CTNNA3: variants seen among roughly 807,000 people sequenced by gnomAD.
CTNNA3 encodes the protein catenin alpha-3.
Under a neutral mutation model 95.7 loss-of-function variants are expected in CTNNA3, and 76 were observed. The ratio of observed to expected loss-of-function variants is 0.79; its 90% CI spans 0.66 to 0.96. The LOEUF (loss-of-function observed/expected upper bound fraction) is 0.96. CTNNA3 is among the 40% of genes least tolerant of loss of function. The pLI, the probability that CTNNA3 is intolerant of heterozygous loss-of-function variation, is 0.00. For synonymous variants in CTNNA3, 431 were observed against 374.4 expected (o/e 1.15, Z -1.74); for missense variants, 1,191 against 1,089.8 (o/e 1.09, Z -1.31).
intron 7 of CTNNA3, among the ~76,000 whole-genome samples, chr10:66,945,565 A>T (rs1848230929): frequency 6.6e-6 from 1 of 152,166 alleles, no homozygotes; most frequent in Non-Finnish European, 1.5e-5. Context: ...TTGGTTTCTT[A>T]TCATTCATGT....
chr10:66,146,339 C>T (rs1362197858), intron 13 of CTNNA3, among the ~76,000 whole-genome samples: 1 of 152,120 alleles, frequency 6.6e-6, no homozygotes, highest in Non-Finnish European at 1.5e-5. Flanking sequence ...ACTAGACCTG[C>T]CTCAGTAGAA....
At chr10:66,390,845 T>A (rs1014379621) in intron 11 of CTNNA3, among the ~76,000 whole-genome samples, 1 of 152,054 alleles carries the variant, frequency 6.6e-6, no homozygotes, top group East Asian at 1.9e-4. Context: ...GAATACAGAG[T>A]ATGCATACAG....
chr10:67,715,571 C>T (rs1440178610), intron 1 of CTNNA3, among the ~76,000 whole-genome samples: 1 of 152,048 alleles, frequency 6.6e-6, no homozygotes, highest in Non-Finnish European at 1.5e-5. Flanking sequence ...AGCAGGAATC[C>T]CTTCTCTGAA....
intron 5 of CTNNA3, among the ~76,000 whole-genome samples, chr10:67,345,000 G>T: frequency 6.6e-6 from 1 of 150,966 alleles, no homozygotes; most frequent in South Asian, 2.1e-4. Flanking sequence ...TTCCCTCCTG[G>T]TACTGATTTT....
At chr10:66,074,949 A>G (rs1036973282) in intron 14 of CTNNA3, among the ~76,000 whole-genome samples, 1 of 151,894 alleles carries the variant, frequency 6.6e-6, no homozygotes, top group African/African-American at 2.4e-5. Context: ...AAAAAACTCA[A>G]GACTTTTGAG....
chr10:67,740,245 TG>T (rs1841327819), intron 1 of CTNNA3, among the ~76,000 whole-genome samples: 2 of 152,118 alleles, frequency 1.3e-5, no homozygotes, highest in African/African-American at 4.8e-5. Flanking sequence ...GACATAGGCA[TG>T]GGCAAAGACT....
intron 13 of CTNNA3, among the ~76,000 whole-genome samples, chr10:66,206,740 T>C (rs536412316): frequency 6.6e-6 from 1 of 152,098 alleles, no homozygotes; most frequent in East Asian, 1.9e-4. Context: ...AGATTTTCTT[T>C]GTAAAATGAA....
chr10:66,058,663 G>A (rs1202455211), intron 15 of CTNNA3, among the ~76,000 whole-genome samples: 1 of 152,054 alleles, frequency 6.6e-6, no homozygotes, highest in Admixed American at 6.6e-5. Context: ...CCATGTTTTT[G>A]GTTAATTCTT....
intron 5 of CTNNA3, among the ~76,000 whole-genome samples, chr10:67,491,871 G>A (rs2133080416): frequency 6.6e-6 from 1 of 152,086 alleles, no homozygotes; most frequent in African/African-American, 2.4e-5. Context: ...AAAAAGTATA[G>A]GAATGGAGGA....
chr10:67,224,701 G>A (rs1864813110), intron 5 of CTNNA3, among the ~76,000 whole-genome samples: 1 of 152,156 alleles, frequency 6.6e-6, no homozygotes, highest in South Asian at 2.1e-4. Flanking sequence ...GGAAGCAGCA[G>A]AAAGTCCCTA....
chr10:66,376,145 T>A (rs976199211), intron 12 of CTNNA3, among the ~76,000 whole-genome samples: 1 of 152,162 alleles, frequency 6.6e-6, no homozygotes, highest in East Asian at 1.9e-4. Flanking sequence ...CTTATGTCCG[T>A]CCACTTCCAG....
chr10:67,472,347 G>A (rs1390828485), intron 5 of CTNNA3, among the ~76,000 whole-genome samples: 1 of 152,166 alleles, frequency 6.6e-6, no homozygotes, highest in African/African-American at 2.4e-5. Flanking sequence ...AGCAGGACTA[G>A]TTTCCAAGAC....
intron 5 of CTNNA3, among the ~76,000 whole-genome samples, chr10:67,287,269 C>T (rs1320877270): frequency 2.0e-5 from 3 of 151,950 alleles, no homozygotes; most frequent in Non-Finnish European, 4.4e-5. Context: ...ACCCAGGAGA[C>T]GGAGGTTGCA....
At chr10:66,954,496 A>G (rs1387651385) in intron 7 of CTNNA3, among the ~76,000 whole-genome samples, 1 of 152,276 alleles carries the variant, frequency 6.6e-6, no homozygotes, top group African/African-American at 2.4e-5. Flanking sequence ...CGGTCCCGCA[A>G]TGGATTACAA....
At chr10:66,861,285 C>T (rs2132412085) in intron 7 of CTNNA3, among the ~76,000 whole-genome samples, 1 of 152,286 alleles carries the variant, frequency 6.6e-6, no homozygotes, top group East Asian at 1.9e-4. Flanking sequence ...TAAGGAACTT[C>T]CCACTGGGGC....
chr10:67,172,732 G>T (rs1862070786), intron 7 of CTNNA3, among the ~76,000 whole-genome samples: 1 of 152,054 alleles, frequency 6.6e-6, no homozygotes, highest in Admixed American at 6.6e-5. Context: ...CCAGCACTTT[G>T]GGAGGCCGAG....
At chr10:67,720,152 T>TTTTTTTTTTTTTTTTTTTTTTG (rs1841171540) in intron 1 of CTNNA3, among the ~76,000 whole-genome samples, 1 of 122,636 alleles carries the variant, frequency 8.2e-6, no homozygotes. Context: ...TTTTTTTTTT[T>TTTTTTTTTTTTTTTTTTTTTTG]GCTGTCCAAT....
intron 3 of CTNNA3, among the ~76,000 whole-genome samples, chr10:67,593,387 T>C (rs765631590): frequency 9.2e-5 from 14 of 152,192 alleles, no homozygotes; most frequent in African/African-American, 1.4e-4. Flanking sequence ...TTCTGATCCA[T>C]GAGCATGGAA....
At chr10:67,155,428 AATGTT>A (rs1445619341) in intron 7 of CTNNA3, among the ~76,000 whole-genome samples, 1 of 152,186 alleles carries the variant, frequency 6.6e-6, no homozygotes, top group Non-Finnish European at 1.5e-5. Flanking sequence ...AGGCCAAAGA[AATGTT>A]AAGTTATCAT....
Sources: allele counts gnomAD v4.1 joint callset (sites outside exome capture counted in the v4.1 genomes callset), GRCh38; gene constraint gnomAD v4.1.1; transcripts MANE v1.5; gene names NCBI Gene and HGNC (gene_info 2026-07-23, HGNC 2026-07-21).